Variants in NFILZ observed in about 807,000 individuals in gnomAD.
The protein encoded by NFILZ is NFIL3 like protein.
chr19:8,640,877 T>C (rs145046259), intron 3 of NFILZ, among the ~76,000 whole-genome samples: 2 of 152,140 alleles, frequency 1.3e-5, no homozygotes, highest in African/African-American at 4.8e-5. Flanking sequence ...CCAGAACTGG[T>C]TTAGTTCTGA....
intron 3 of NFILZ, among the ~76,000 whole-genome samples, chr19:8,639,477 G>A (rs781879090): frequency 3.3e-5 from 5 of 152,020 alleles, no homozygotes; most frequent in Non-Finnish European, 7.4e-5. Context: ...TGTGCCTGTA[G>A]TCCCAGCTAC....
intron 3 of NFILZ, among the ~76,000 whole-genome samples, chr19:8,660,973 C>A (rs1294611595): frequency 1.4e-5 from 2 of 145,818 alleles, no homozygotes; most frequent in Non-Finnish European, 3.0e-5. Flanking sequence ...TCCTTTCTTG[C>A]TTTCTTTCCC....
chr19:8,656,371 TC>T lies in NFILZ; in HGVS notation c.-163-18177del, dbSNP rs1341189200. Among the ~76,000 whole-genome samples, 86 of 138,046 alleles carry T rather than the reference TC, an allele frequency of 6.2e-4. 1 individual carries two copies. The highest frequency in any genetic ancestry group is 1.0e-3 in the Non-Finnish European group (64 of 62,884). 90.6% of individuals were successfully genotyped at this position (138,046 alleles called of 152,430 possible). A position where few individuals can be genotyped will look rare whatever the true frequency, so the allele number is the denominator to read the frequency against. Reference sequence around the variant, plus strand: ...CACCTCTTCCCTGAAGCCCACCTTCTCCCTGAAGCCCACCTTCTCCCGCAGC... The same window carrying T: ...CACCTCTTCCCTGAAGCCCACCTTCTCCTGAAGCCCACCTTCTCCCGCAGC... On this transcript the variant is annotated intron_variant, in intron 3 of 5. Coordinates refer to ENST00000691075, the MANE Select transcript of NFILZ (RefSeq NM_001378600.1).
At chr19:8,667,387 T>C (rs1481128016) in intron 3 of NFILZ, among the ~76,000 whole-genome samples, 1 of 152,144 alleles carries the variant, frequency 6.6e-6, no homozygotes, top group African/African-American at 2.4e-5. Flanking sequence ...TCAACCCATC[T>C]CTTGGATTTT....
chr19:8,650,347 T>C (rs2042959753), intron 3 of NFILZ, among the ~76,000 whole-genome samples: 1 of 151,460 alleles, frequency 6.6e-6, no homozygotes, highest in Non-Finnish European at 1.5e-5. Flanking sequence ...TAGCCCTACA[T>C]GGATGGGTAT....
chr19:8,663,787 T>TA (rs2043048906), intron 3 of NFILZ, among the ~76,000 whole-genome samples: 1 of 148,724 alleles, frequency 6.7e-6, no homozygotes, highest in African/African-American at 2.5e-5. Context: ...TGTGTGTTTG[T>TA]TGTGGGGGGG....
intron 3 of NFILZ, among the ~76,000 whole-genome samples, chr19:8,665,513 A>T (rs2043057910): frequency 6.6e-6 from 1 of 152,102 alleles, no homozygotes; most frequent in Non-Finnish European, 1.5e-5. Flanking sequence ...TTTCTTAAAC[A>T]TTTTTTTAAG....
chr19:8,632,165 G>A (rs146635065), intron 1 of NFILZ, among the ~76,000 whole-genome samples: 3,711 of 151,870 alleles, frequency 0.024, 171 homozygotes, highest in African/African-American at 0.085. Context: ...CACCGCGCCC[G>A]GCCGCCCTTG....
chr19:8,663,754 G>GTGTGTGTGTGTGTATGTGTGTA (rs2043047809), intron 3 of NFILZ, among the ~76,000 whole-genome samples: 2 of 117,542 alleles, frequency 1.7e-5, no homozygotes, highest in Non-Finnish European at 3.3e-5. Context: ...GTGTGTGTGT[G>GTGTGTGTGTGTGTATGTGTGTA]TGTGTGTGTG....
intron 3 of NFILZ, among the ~76,000 whole-genome samples, chr19:8,655,544 G>A (rs918780934): frequency 1.3e-5 from 2 of 152,276 alleles, no homozygotes; most frequent in East Asian, 1.9e-4. Context: ...TTACGGAAGC[G>A]CCGGTGACTA....
chr19:8,634,570 G>A (rs2042885978), intron 2 of NFILZ, among the ~76,000 whole-genome samples: 1 of 152,034 alleles, frequency 6.6e-6, no homozygotes, highest in African/African-American at 2.4e-5. Context: ...TTTCATTTAA[G>A]TAAAAATTAA....
chr19:8,633,570 TC>T (rs2042880221), intron 2 of NFILZ, among the ~76,000 whole-genome samples: 1 of 152,118 alleles, frequency 6.6e-6, no homozygotes, highest in African/African-American at 2.4e-5. Context: ...CCAGCTCCTT[TC>T]CCTCTCTCTA....
chr19:8,642,395 T>C (rs2042922733), intron 3 of NFILZ, among the ~76,000 whole-genome samples: 1 of 152,222 alleles, frequency 6.6e-6, no homozygotes, highest in Admixed American at 6.5e-5. Flanking sequence ...ACATTGTATC[T>C]GTTAGCCTTT....
chr19:8,663,728 G>GTT (rs2043044943), intron 3 of NFILZ, among the ~76,000 whole-genome samples: 2 of 74,300 alleles, frequency 2.7e-5, no homozygotes, highest in East Asian at 5.4e-4. Flanking sequence ...GTGTTTGTGT[G>GTT]TGTGTGTGTG....
intron 3 of NFILZ, among the ~76,000 whole-genome samples, chr19:8,647,587 C>CCAA (rs76371857): frequency 6.5e-4 from 96 of 146,664 alleles, no homozygotes; most frequent in African/African-American, 2.3e-3. Flanking sequence ...CCCCCCCCCC[C>CCAA]AAAAAAAGGG....
intron 3 of NFILZ, among the ~76,000 whole-genome samples, chr19:8,655,499 C>T (rs1555748237): frequency 6.6e-6 from 1 of 152,162 alleles, no homozygotes; most frequent in African/African-American, 2.4e-5. Flanking sequence ...GGAGGGAAAG[C>T]CACAAGCTTC....
intron 3 of NFILZ, among the ~76,000 whole-genome samples, chr19:8,639,035 G>A (rs1033721552): frequency 2.6e-5 from 4 of 152,070 alleles, no homozygotes; most frequent in Non-Finnish European, 5.9e-5. Context: ...ATAGAGACAG[G>A]CTTTCACCAC....
intron 3 of NFILZ, among the ~76,000 whole-genome samples, chr19:8,649,970 C>A (rs1555747534): frequency 6.6e-6 from 1 of 151,932 alleles, no homozygotes; most frequent in African/African-American, 2.4e-5. Context: ...CAAAAATTAG[C>A]CGGTCTTGGT....
At chr19:8,640,565 G>T (rs554444985) in intron 3 of NFILZ, among the ~76,000 whole-genome samples, 2 of 152,178 alleles carry the variant, frequency 1.3e-5, no homozygotes, top group East Asian at 3.9e-4. Flanking sequence ...CTGCTCCCGG[G>T]TGGGTAAGAG....
Sources: allele counts gnomAD v4.1 joint callset (sites outside exome capture counted in the v4.1 genomes callset), GRCh38; gene constraint gnomAD v4.1.1; transcripts MANE v1.5; gene names NCBI Gene and HGNC (gene_info 2026-07-23, HGNC 2026-07-21).